DESI2: variants seen among roughly 807,000 people sequenced by gnomAD.
DESI2 encodes the protein desumoylating isopeptidase 2.
Under a neutral mutation model 24.1 loss-of-function variants are expected in DESI2, and 10 were observed. The observed-to-expected ratio is 0.41, with a 90% confidence interval of 0.26 to 0.70. The LOEUF (loss-of-function observed/expected upper bound fraction) is 0.70. Among genes scored for constraint, DESI2 ranks in the 30% least tolerant of loss-of-function variants. DESI2 has a pLI of 0.29. For missense variants in DESI2, 122 were observed against 234.9 expected (o/e 0.52, Z 3.14); for synonymous variants, 71 against 87.7 (o/e 0.81, Z 1.06).
chr1:244,665,819 A>G (rs1676023595), intron 1 of DESI2, among the ~76,000 whole-genome samples: 1 of 152,178 alleles, frequency 6.6e-6, no homozygotes, highest in African/African-American at 2.4e-5. Context: ...AGATCTATCA[A>G]GCCCCACAGT....
chr1:244,684,171 ATTC>A (rs762076091), intron 1 of DESI2, among the ~76,000 whole-genome samples: 2 of 152,170 alleles, frequency 1.3e-5, no homozygotes, highest in Non-Finnish European at 2.9e-5. Flanking sequence ...TGTGCAACCT[ATTC>A]TTTTACTATA....
chr1:244,700,490 A>G (rs1028036864), intron 4 of DESI2, among the ~76,000 whole-genome samples: 2 of 152,144 alleles, frequency 1.3e-5, no homozygotes, highest in East Asian at 3.8e-4. Context: ...TGGTATGACA[A>G]GATATTCCAG....
Position 244,653,319 on chromosome 1 carries a change from G to A in DESI2, c.6G>A (p.Gly2=), listed in dbSNP as rs560958663. 6.6e-7 allele frequency: 1 copy of A among 1,518,244 alleles called. No homozygotes were observed. The highest frequency in any genetic ancestry group is 8.8e-7 in the Non-Finnish European group (1 of 1,140,562). 94.0% of individuals were successfully genotyped at this position (1,518,244 alleles called of 1,614,324 possible). A position where few individuals can be genotyped will look rare whatever the true frequency, so the allele number is the denominator to read the frequency against. ...CGGCGGCCGCGGGGAGGAGGATGGG[G>A]GCTAACCAGTTAGTGGTGCTCAACG... M[G]ANQLVVLNVY... Residue 2 remains glycine (G), a synonymous_variant, in exon 1 of 5, where the codon GGG becomes GGA. Coordinates refer to ENST00000302550, the MANE Select transcript of DESI2 (RefSeq NM_016076.5).
At chr1:244,666,982 C>T (rs747570917) in intron 1 of DESI2, among the ~76,000 whole-genome samples, 6 of 152,042 alleles carry the variant, frequency 3.9e-5, no homozygotes, top group African/African-American at 7.2e-5. Flanking sequence ...TAAAGACTGG[C>T]CCCCATGATT....
chr1:244,688,274 A>C (rs577958337), intron 2 of DESI2, among the ~76,000 whole-genome samples: 5 of 152,332 alleles, frequency 3.3e-5, no homozygotes, highest in African/African-American at 1.2e-4. Flanking sequence ...ATATAATCTT[A>C]TCCCTTCCAA....
chr1:244,671,081 T>G (rs1233208125), intron 1 of DESI2, among the ~76,000 whole-genome samples: 5 of 152,184 alleles, frequency 3.3e-5, no homozygotes, highest in Non-Finnish European at 7.3e-5. Context: ...TAGTTGACAT[T>G]GGGATGTTGT....
chr1:244,664,716 A>T (rs1379064888), intron 1 of DESI2, among the ~76,000 whole-genome samples: 1 of 152,202 alleles, frequency 6.6e-6, no homozygotes, highest in Non-Finnish European at 1.5e-5. Context: ...TACAAATAGG[A>T]CCAAGCATAT....
chr1:244,705,834 T>TTC lies in DESI2; in HGVS notation c.*45_*46insTC. On this transcript the variant is annotated 3_prime_UTR_variant, in exon 5 of 5. Coordinates refer to ENST00000302550, the MANE Select transcript of DESI2 (RefSeq NM_016076.5). Reference sequence around the variant, plus strand: ...TTCAGAACTGTCTCTGGCAGTCGAATATCACTAGAGAAAAGTAAACAGAGA... The same window carrying TTC: ...TTCAGAACTGTCTCTGGCAGTCGAATTCATCACTAGAGAAAAGTAAACAGAGA... The TTC allele has an allele frequency of 1.4e-6, 2 of 1,387,342 alleles. No homozygotes were observed. The highest frequency in any genetic ancestry group is 2.0e-6 in the Non-Finnish European group (2 of 998,678). The allele number at this position is 1,387,342 out of a possible 1,614,324, so 85.9% of individuals were successfully genotyped here.
intron 1 of DESI2, among the ~76,000 whole-genome samples, chr1:244,663,398 G>A (rs112540287): frequency 1.3e-5 from 2 of 151,794 alleles, no homozygotes; most frequent in Admixed American, 6.6e-5. Context: ...GGATGGTCTC[G>A]ATCTCCTGAC....
chr1:244,673,314 A>G lies in DESI2; in HGVS notation c.43-13283A>G, dbSNP rs1040607452. On this transcript the variant is annotated intron_variant, in intron 1 of 4. Transcript: ENST00000302550. ...GCTTACCCTCTTTTCCTCTGAATCTATTAAGAAAAAACGTCACACCAAAGA... is the reference window on the plus strand; with the variant it reads ...GCTTACCCTCTTTTCCTCTGAATCTGTTAAGAAAAAACGTCACACCAAAGA... 1.4e-4 allele frequency among the ~76,000 whole-genome samples: 22 copies of G among 152,222 alleles called. 1 individual carries two copies. Among genetic ancestry groups the G allele is most frequent in the Admixed American group, 1.3e-3 (20 of 15,286 alleles).
chr1:244,686,278 G>A (rs552191864), intron 1 of DESI2, among the ~76,000 whole-genome samples: 19 of 152,144 alleles, frequency 1.2e-4, no homozygotes, highest in East Asian at 9.7e-4. Context: ...GTGTGTGTGT[G>A]TGTGTGTAAG....
intron 1 of DESI2, among the ~76,000 whole-genome samples, chr1:244,661,514 C>T (rs1005279971): frequency 6.6e-6 from 1 of 152,092 alleles, no homozygotes; most frequent in Admixed American, 6.6e-5. Flanking sequence ...CACCCATTAA[C>T]TCATCATTCA....
chr1:244,668,589 C>G (rs1350623752), intron 1 of DESI2, among the ~76,000 whole-genome samples: 1 of 152,116 alleles, frequency 6.6e-6, no homozygotes, highest in East Asian at 1.9e-4. Context: ...TTAATACTAT[C>G]TTTTATGGAA....
At chr1:244,693,072 A>G (rs911933509) in intron 4 of DESI2, among the ~76,000 whole-genome samples, 3 of 152,222 alleles carry the variant, frequency 2.0e-5, no homozygotes, top group Non-Finnish European at 4.4e-5. Flanking sequence ...AGATCTGTTG[A>G]GTGCTAAAAT....
intron 1 of DESI2, among the ~76,000 whole-genome samples, chr1:244,662,033 A>G (rs947762140): frequency 1.3e-5 from 2 of 152,190 alleles, no homozygotes; most frequent in Non-Finnish European, 2.9e-5. Flanking sequence ...CAACAGTGTA[A>G]AAGTGTTCCT....
chr1:244,681,338 T>C (rs1038613421), intron 1 of DESI2, among the ~76,000 whole-genome samples: 13 of 152,174 alleles, frequency 8.5e-5, no homozygotes, highest in African/African-American at 2.9e-4. Context: ...CCATTTCCTC[T>C]TCTGTGTTTT....
chr1:244,675,234 C>T (rs1202897075), intron 1 of DESI2, among the ~76,000 whole-genome samples: 1 of 151,858 alleles, frequency 6.6e-6, no homozygotes, highest in Admixed American at 6.6e-5. Flanking sequence ...AATTTTCTCC[C>T]AGGCTGTGGT....
chr1:244,653,949 T>C (rs1490423407), intron 1 of DESI2: 1 of 471,138 alleles, frequency 2.1e-6, no homozygotes, highest in African/African-American at 2.0e-5. Context: ...CTAACATTTC[T>C]CAAGAAAATA....
intron 4 of DESI2, among the ~76,000 whole-genome samples, chr1:244,703,721 C>G (rs769211017): frequency 3.3e-5 from 5 of 150,406 alleles, no homozygotes; most frequent in East Asian, 2.0e-4. Context: ...TGCAGTGGTG[C>G]GATCTCGGCT....
Sources: gnomAD v4.1 joint callset for allele counts (sites outside exome capture counted in the v4.1 genomes callset) on GRCh38, gnomAD v4.1.1 for gene constraint, MANE v1.5 for transcripts, NCBI Gene and HGNC (gene_info 2026-07-23, HGNC 2026-07-21) for gene names.